Variants in GSAP observed in about 807,000 individuals in gnomAD.
GSAP encodes gamma-secretase activating protein.
GSAP carries 118 observed loss-of-function variants against 131.7 expected under a neutral mutation model. The ratio of observed to expected loss-of-function variants is 0.90; its 90% CI spans 0.77 to 1.04. GSAP has a LOEUF of 1.04. GSAP is among the 50% of genes least tolerant of loss of function. The pLI, the probability that GSAP is intolerant of heterozygous loss-of-function variation, is 0.00. For missense variants in GSAP, 1,019 were observed against 1,013.2 expected (o/e 1.01, Z -0.08); for synonymous variants, 381 against 363.4 (o/e 1.05, Z -0.55).
rs762659105 is a variant in GSAP, at chr7:77,366,504, T to C, written c.872-3844A>G. 2.0e-5 allele frequency among the ~76,000 whole-genome samples: 3 copies of C among 152,178 alleles called. No individual in the cohort carries two copies. In the East Asian group the frequency reaches 5.8e-4, roughly 29 times the overall value. On this transcript the variant is annotated intron_variant, in intron 12 of 30. Transcript: ENST00000257626. Reference sequence around the variant, plus strand: ...TATTGAGTAGGGAGTCTTTTCCCCATTGCTTTTGTCAGCTTTGCTGAAGAT... The same window carrying C: ...TATTGAGTAGGGAGTCTTTTCCCCACTGCTTTTGTCAGCTTTGCTGAAGAT...
intron 1 of GSAP, chr7:77,415,682 C>T (rs1804258573): frequency 6.6e-6 from 1 of 152,346 alleles, no homozygotes; most frequent in African/African-American, 2.4e-5. Flanking sequence ...TCCCCTGAGC[C>T]ACGGACACGG....
intron 19 of GSAP, among the ~76,000 whole-genome samples, chr7:77,342,115 C>T (rs1791030897): frequency 6.6e-6 from 1 of 152,030 alleles, no homozygotes; most frequent in African/African-American, 2.4e-5. Flanking sequence ...GGAACTCTGG[C>T]CCAAGGCTCT....
At chr7:77,397,706 T>C (rs1800655602) in intron 3 of GSAP, among the ~76,000 whole-genome samples, 1 of 152,216 alleles carries the variant, frequency 6.6e-6, no homozygotes, top group Non-Finnish European at 1.5e-5. Flanking sequence ...CCTGACTCTA[T>C]CACTTGCTAG....
At chr7:77,367,176 C>G (rs994562896) in intron 12 of GSAP, among the ~76,000 whole-genome samples, 1 of 152,094 alleles carries the variant, frequency 6.6e-6, no homozygotes, top group Non-Finnish European at 1.5e-5. Context: ...ACAGGGATAG[C>G]CTGACTTCCT....
chr7:77,333,104 T>A (rs1584309623), intron 19 of GSAP, among the ~76,000 whole-genome samples: 2 of 151,906 alleles, frequency 1.3e-5, no homozygotes, highest in Non-Finnish European at 2.9e-5. Context: ...GAGGCGGAGG[T>A]TGCAGTGAGC....
At chr7:77,396,742 C>A (rs2151129676) in intron 5 of GSAP, among the ~76,000 whole-genome samples, 1 of 151,996 alleles carries the variant, frequency 6.6e-6, no homozygotes, top group African/African-American at 2.4e-5. Context: ...CCTGCAGGTA[C>A]TAATTACCAT....
intron 13 of GSAP, 133 bp downstream of exon 13, chr7:77,362,450 G>A (rs1257206820): frequency 2.0e-5 from 12 of 608,580 alleles, no homozygotes; most frequent in Middle Eastern, 4.4e-4. Context: ...TCATGCCACC[G>A]CATTCCAGCC....
intron 10 of GSAP, 37 bp from the exon 11 acceptor site, chr7:77,375,138 CAG>C (rs1051391594): frequency 1.5e-6 from 2 of 1,303,092 alleles, no homozygotes; most frequent in Non-Finnish European, 1.1e-6. Context: ...CCCAAAATGA[CAG>C]AAAGTGATGA....
intron 6 of GSAP, among the ~76,000 whole-genome samples, chr7:77,384,777 T>A (rs1275634261): frequency 1.3e-5 from 2 of 152,050 alleles, no homozygotes; most frequent in Non-Finnish European, 2.9e-5. Context: ...GATGTTTTTG[T>A]AAGAAAAAGG....
chr7:77,367,504 T>C (rs1050980230), intron 12 of GSAP, among the ~76,000 whole-genome samples: 2 of 152,232 alleles, frequency 1.3e-5, no homozygotes, highest in African/African-American at 4.8e-5. Flanking sequence ...ATGAATCACA[T>C]TTATTGAATT....
At position 77,376,933 on chromosome 7, in the gene GSAP, T is replaced by C. The variant is rs772898841; in HGVS notation, c.682-26A>G. The C allele has an allele frequency of 5.5e-5, 69 of 1,252,110 alleles. No homozygotes were observed. The Admixed American group carries it at 1.6e-3, about 29-fold the overall frequency. 77.6% of individuals were successfully genotyped at this position (1,252,110 alleles called of 1,614,324 possible). On this transcript the variant is annotated intron_variant, in intron 9 of 30. Coordinates refer to ENST00000257626, the MANE Select transcript of GSAP (RefSeq NM_017439.4). ...CTAAAAGAGAAAACAGAATGGCATA[T>C]TAAAAAACCAGGAAAAAAAGAAAAG...
intron 19 of GSAP, among the ~76,000 whole-genome samples, chr7:77,334,670 C>T (rs1353710684): frequency 6.8e-6 from 1 of 146,180 alleles, no homozygotes; most frequent in Non-Finnish European, 1.5e-5. Context: ...AAAGCAAATA[C>T]TGTACTCATC....
intron 19 of GSAP, among the ~76,000 whole-genome samples, chr7:77,346,938 C>A (rs1229139927): frequency 2.9e-5 from 4 of 138,810 alleles, no homozygotes; most frequent in South Asian, 4.8e-4. Context: ...CTCCCCACCA[C>A]CACCCCCCGC....
chr7:77,314,776 G>GT, intron 26 of GSAP: 1 of 252,682 alleles, frequency 4.0e-6, no homozygotes. Context: ...GGTTTGATAT[G>GT]TTTGTGATTC....
chr7:77,363,048 A>G (rs888355828), intron 12 of GSAP, among the ~76,000 whole-genome samples: 3 of 152,226 alleles, frequency 2.0e-5, no homozygotes, highest in African/African-American at 7.2e-5. Flanking sequence ...CCAGTTTATC[A>G]AAAATGTGTT....
chr7:77,372,539 T>C (rs1013789404), intron 12 of GSAP, among the ~76,000 whole-genome samples: 2 of 152,228 alleles, frequency 1.3e-5, no homozygotes, highest in Admixed American at 1.3e-4. Context: ...CTGAATTATC[T>C]ACTGGTTAGG....
At chr7:77,397,614 G>T (rs1297262978) in intron 3 of GSAP, among the ~76,000 whole-genome samples, 199 bp from the exon 4 acceptor site, 1 of 152,146 alleles carries the variant, frequency 6.6e-6, no homozygotes, top group East Asian at 1.9e-4. Context: ...AGCCATGTTG[G>T]CACCGATATT....
chr7:77,377,208 C>A (rs929778907), intron 9 of GSAP, 78 bp downstream of exon 9: 30 of 1,236,008 alleles, frequency 2.4e-5, no homozygotes, highest in Non-Finnish European at 2.9e-5. Flanking sequence ...GAGAGCAAGA[C>A]CCTGTCTCTA....
At chr7:77,361,012 C>T in intron 13 of GSAP, 111 bp from the exon 14 acceptor site, 1 of 655,210 alleles carries the variant, frequency 1.5e-6, no homozygotes, top group South Asian at 1.7e-5. Context: ...AACTGGTAAG[C>T]AGGCATCTTC....
Sources: allele counts gnomAD v4.1 joint callset (sites outside exome capture counted in the v4.1 genomes callset), GRCh38; gene constraint gnomAD v4.1.1; transcripts MANE v1.5; gene names NCBI Gene and HGNC (gene_info 2026-07-23, HGNC 2026-07-21).